Variants in EXOC6B observed in about 807,000 individuals in gnomAD.
EXOC6B encodes SEC15 homolog B.
Under a neutral mutation model 113.5 loss-of-function variants are expected in EXOC6B, and 54 were observed. The observed-to-expected ratio is 0.48, with a 90% CI of 0.38 to 0.60. The LOEUF (loss-of-function observed/expected upper bound fraction) is 0.60, where lower values mean the gene tolerates loss of function less well. EXOC6B is among the 20% of genes least tolerant of loss of function. The pLI, the probability that EXOC6B is intolerant of heterozygous loss-of-function variation, is 0.00. For synonymous variants in EXOC6B, 357 were observed against 339.0 expected, an observed-to-expected ratio of 1.05 and a Z score of -0.58; for missense variants, 797 against 977.5, an observed-to-expected ratio of 0.82 and a Z score of 2.46.
chr2:72,199,197 T>C (rs545337656), intron 20 of EXOC6B, among the ~76,000 whole-genome samples: 17 of 152,246 alleles, frequency 1.1e-4, no homozygotes, highest in South Asian at 4.2e-4. Flanking sequence ...CCACGGAAGA[T>C]TGGAAATTCT....
chr2:72,730,926 A>T (rs1309117669), intron 5 of EXOC6B, 81 bp downstream of exon 5: 2 of 939,102 alleles, frequency 2.1e-6, no homozygotes, highest in East Asian at 5.4e-5. Context: ...TTGAAAAGTT[A>T]TGCTAAATAT....
intron 6 of EXOC6B, among the ~76,000 whole-genome samples, chr2:72,680,440 T>A (rs571997039): frequency 1.3e-5 from 2 of 152,236 alleles, no homozygotes; most frequent in Non-Finnish European, 2.9e-5. Flanking sequence ...ACCTAACAGA[T>A]AAGAAGCATT....
At chr2:72,311,030 CTT>C (rs879282604) in intron 20 of EXOC6B, among the ~76,000 whole-genome samples, 8 of 152,166 alleles carry the variant, frequency 5.3e-5, no homozygotes, top group African/African-American at 7.2e-5. Flanking sequence ...AGACCACACT[CTT>C]TTCCTCTCTT....
At chr2:72,800,714 T>A (rs1380346681) in intron 1 of EXOC6B, among the ~76,000 whole-genome samples, 2 of 152,172 alleles carry the variant, frequency 1.3e-5, no homozygotes, top group Non-Finnish European at 2.9e-5. Flanking sequence ...GAAAGGGAAT[T>A]CAAGTAATCT....
intron 6 of EXOC6B, among the ~76,000 whole-genome samples, chr2:72,595,512 AAAG>A (rs1670030762): frequency 6.6e-6 from 1 of 151,722 alleles, no homozygotes; most frequent in African/African-American, 2.4e-5. Flanking sequence ...AAAAGTTATC[AAAG>A]AAGAGACACA....
At chr2:72,434,752 T>C (rs1695751237) in intron 18 of EXOC6B, among the ~76,000 whole-genome samples, 1 of 152,194 alleles carries the variant, frequency 6.6e-6, no homozygotes, top group African/African-American at 2.4e-5. Context: ...GGGGGTTATA[T>C]CCCCTTTATC....
chr2:72,459,654 T>A (rs1404720086), intron 18 of EXOC6B, among the ~76,000 whole-genome samples: 1 of 152,092 alleles, frequency 6.6e-6, no homozygotes, highest in East Asian at 1.9e-4. Flanking sequence ...ACAAGGGATG[T>A]GAAGGACCTC....
intron 2 of EXOC6B, 21 bp downstream of exon 2, chr2:72,741,283 T>C (rs746444551): frequency 1.9e-5 from 31 of 1,598,904 alleles, no homozygotes; most frequent in African/African-American, 2.7e-5. Flanking sequence ...GGAGAAACAG[T>C]ATCTCTTAGA....
At chr2:72,751,068 T>C (rs1381532668) in intron 1 of EXOC6B, among the ~76,000 whole-genome samples, 2 of 151,958 alleles carry the variant, frequency 1.3e-5, no homozygotes, top group East Asian at 1.9e-4. Flanking sequence ...AAAAAAAAAC[T>C]ATCAAAAATG....
At chr2:72,727,818 T>C (rs534339022) in intron 5 of EXOC6B, among the ~76,000 whole-genome samples, 15 of 152,224 alleles carry the variant, frequency 9.9e-5, no homozygotes, top group Admixed American at 3.3e-4. Context: ...CAAAAACTAC[T>C]AATTATATAA....
chr2:72,696,569 G>C (rs1456318029), intron 6 of EXOC6B, among the ~76,000 whole-genome samples: 1 of 152,208 alleles, frequency 6.6e-6, no homozygotes, highest in Admixed American at 6.5e-5. Flanking sequence ...AGTGGACATT[G>C]TCAGATTCTG....
At chr2:72,255,606 T>G (rs1683306901) in intron 20 of EXOC6B, among the ~76,000 whole-genome samples, 2 of 152,226 alleles carry the variant, frequency 1.3e-5, no homozygotes, top group Non-Finnish European at 2.9e-5. Context: ...ATGTCTATTG[T>G]ATCCCTATCC....
intron 20 of EXOC6B, among the ~76,000 whole-genome samples, chr2:72,319,357 C>T (rs965587572): frequency 5.9e-5 from 9 of 152,098 alleles, no homozygotes; most frequent in Non-Finnish European, 1.3e-4. Flanking sequence ...GCAATGATAC[C>T]TGCTCTCAGC....
At chr2:72,627,266 C>A (rs1413152692) in intron 6 of EXOC6B, among the ~76,000 whole-genome samples, 2 of 152,172 alleles carry the variant, frequency 1.3e-5, no homozygotes, top group African/African-American at 4.8e-5. Flanking sequence ...TACTGAAAGT[C>A]AAACCAAATT....
intron 1 of EXOC6B, among the ~76,000 whole-genome samples, chr2:72,750,677 G>A (rs1681983572): frequency 6.6e-6 from 1 of 151,914 alleles, no homozygotes; most frequent in Non-Finnish European, 1.5e-5. Flanking sequence ...GCACATGCCA[G>A]CCTTCTCACA....
At chr2:72,323,120 A>G (rs1687932538) in intron 20 of EXOC6B, among the ~76,000 whole-genome samples, 1 of 151,934 alleles carries the variant, frequency 6.6e-6, no homozygotes, top group Non-Finnish European at 1.5e-5. Flanking sequence ...AGAATCTACA[A>G]AGAAACAAAT....
intron 6 of EXOC6B, among the ~76,000 whole-genome samples, chr2:72,687,272 A>T (rs1677156672): frequency 6.6e-6 from 1 of 152,200 alleles, no homozygotes; most frequent in African/African-American, 2.4e-5. Context: ...ATGCTCAGAA[A>T]TATATAAATT....
At chr2:72,595,280 T>G (rs1670003103) in intron 6 of EXOC6B, among the ~76,000 whole-genome samples, 1 of 146,756 alleles carries the variant, frequency 6.8e-6, no homozygotes, top group South Asian at 2.1e-4. Flanking sequence ...TATATAGATA[T>G]ATAGATATAT....
intron 21 of EXOC6B, among the ~76,000 whole-genome samples, chr2:72,181,917 T>C (rs1204884162): frequency 2.6e-5 from 4 of 152,244 alleles, no homozygotes; most frequent in Non-Finnish European, 5.9e-5. Context: ...TTAACAGCTA[T>C]GGCCACCTCT....
Sources: gnomAD v4.1 joint callset for allele counts (sites outside exome capture counted in the v4.1 genomes callset) on GRCh38, gnomAD v4.1.1 for gene constraint, MANE v1.5 for transcripts, NCBI Gene and HGNC (gene_info 2026-07-23, HGNC 2026-07-21) for gene names.